Variants in ARID5B observed in about 807,000 individuals in gnomAD.
The protein encoded by ARID5B is AT-rich interactive domain-containing protein 5B.
A neutral mutation model predicts 97.2 loss-of-function variants in ARID5B; 13 were observed. The ratio of observed to expected loss-of-function variants is 0.13; its 90% CI spans 0.09 to 0.21. The LOEUF (loss-of-function observed/expected upper bound fraction) is 0.21. ARID5B is among the 10% of genes least tolerant of loss of function. ARID5B has a pLI of 1.00. For missense variants in ARID5B, 1,210 were observed against 1,465.3 expected, an observed-to-expected ratio of 0.83 and a Z score of 2.84; for synonymous variants, 556 against 570.3, an observed-to-expected ratio of 0.97 and a Z score of 0.36.
chr10:61,998,516 G>A (rs925859753), intron 3 of ARID5B, among the ~76,000 whole-genome samples: 5 of 152,188 alleles, frequency 3.3e-5, no homozygotes, highest in Admixed American at 2.6e-4. Flanking sequence ...CACGGTGTTT[G>A]CCATTTCTCA....
chr10:61,903,008 G>A (rs909165217), intron 2 of ARID5B, among the ~76,000 whole-genome samples: 3 of 152,152 alleles, frequency 2.0e-5, no homozygotes, highest in African/African-American at 7.2e-5. Context: ...AGATCTGCCC[G>A]GGCGGATTTC....
intron 4 of ARID5B, among the ~76,000 whole-genome samples, chr10:62,011,106 G>A (rs1310733669): frequency 6.6e-6 from 1 of 152,192 alleles, no homozygotes; most frequent in Admixed American, 6.5e-5. Flanking sequence ...TGACAGTTGA[G>A]GCCTTCTCTT....
intron 3 of ARID5B, among the ~76,000 whole-genome samples, chr10:61,991,045 C>T (rs935028198): frequency 2.8e-4 from 42 of 150,990 alleles, no homozygotes; most frequent in African/African-American, 1.0e-3. Flanking sequence ...ATCCTGTACA[C>T]ACACACACAC....
intron 4 of ARID5B, among the ~76,000 whole-genome samples, chr10:62,008,922 T>G (rs1453291059): frequency 6.6e-6 from 1 of 152,228 alleles, no homozygotes; most frequent in South Asian, 2.1e-4. Flanking sequence ...TTGGCATTAT[T>G]CTTTAATGAA....
At position 62,022,857 on chromosome 10, in the gene ARID5B, A is replaced by G. The variant is rs142755331; in HGVS notation, c.733+22536A>G. On this transcript the variant is annotated intron_variant, in intron 4 of 9. Coordinates refer to ENST00000279873, the MANE Select transcript of ARID5B (RefSeq NM_032199.3). ...AAAATCTCCTCATTGTGAACGATTCACAGAGCTCTCCTTTAACTGGAGTAC... is the reference window on the plus strand; with the variant it reads ...AAAATCTCCTCATTGTGAACGATTCGCAGAGCTCTCCTTTAACTGGAGTAC... Among the ~76,000 whole-genome samples, 212 of 152,370 alleles carry G rather than the reference A, an allele frequency of 1.4e-3. 2 individuals are homozygous for G. Among genetic ancestry groups the G allele is most frequent in the East Asian group, 6.4e-3 (33 of 5,190 alleles).
intron 4 of ARID5B, among the ~76,000 whole-genome samples, chr10:62,014,950 T>C (rs1264138818): frequency 1.3e-5 from 2 of 152,210 alleles, no homozygotes; most frequent in Non-Finnish European, 2.9e-5. Flanking sequence ...TTTTCTGTTC[T>C]CACATACTTG....
chr10:62,088,658 C>T (rs1180959937), intron 9 of ARID5B, among the ~76,000 whole-genome samples: 2 of 152,188 alleles, frequency 1.3e-5, no homozygotes, highest in Non-Finnish European at 2.9e-5. Flanking sequence ...CCAAGGTTGA[C>T]CTTATAATAC....
intron 2 of ARID5B, among the ~76,000 whole-genome samples, chr10:61,928,332 ACT>A (rs1844143784): frequency 6.6e-6 from 1 of 151,018 alleles, no homozygotes. Flanking sequence ...CAGGGTCTCA[ACT>A]CTGTCACCTA....
intron 3 of ARID5B, among the ~76,000 whole-genome samples, chr10:61,960,766 G>A (rs1838459503): frequency 6.6e-6 from 1 of 152,106 alleles, no homozygotes; most frequent in South Asian, 2.1e-4. Flanking sequence ...TATATCATAG[G>A]TGCTCCGTAG....
At chr10:61,998,255 C>T (rs1367023184) in intron 3 of ARID5B, among the ~76,000 whole-genome samples, 1 of 152,196 alleles carries the variant, frequency 6.6e-6, no homozygotes, top group African/African-American at 2.4e-5. Context: ...CATTATGTTC[C>T]GTCCTTGCTC....
chr10:62,000,438 G>A lies in ARID5B; in HGVS notation c.733+117G>A. The A allele has an allele frequency of 5.4e-6, 5 of 932,494 alleles. No homozygotes were observed. The highest frequency in any genetic ancestry group is 7.9e-6 in the Non-Finnish European group (5 of 632,942). 57.8% of individuals were successfully genotyped at this position (932,494 alleles called of 1,614,324 possible). On this transcript the variant is annotated intron_variant, in intron 4 of 9. Coordinates refer to ENST00000279873, the MANE Select transcript of ARID5B (RefSeq NM_032199.3). The surrounding 1 kb of genome is among the most constrained non-coding windows in gnomAD (Gnocchi z 4.4). ...CTCACTTTCACAAGCCCCATGTGCT[G>A]CCCCACCCCTCCCATCCCCCAAATT...
At chr10:61,928,819 T>A (rs1031437933) in intron 2 of ARID5B, among the ~76,000 whole-genome samples, 1 of 152,220 alleles carries the variant, frequency 6.6e-6, no homozygotes, top group Non-Finnish European at 1.5e-5. Context: ...CAACTACTTA[T>A]CTGTAGTGTG....
intron 4 of ARID5B, chr10:62,049,426 T>G: frequency 6.4e-7 from 1 of 1,550,478 alleles, no homozygotes; most frequent in Non-Finnish European, 8.7e-7. Flanking sequence ...AGCAGTCACA[T>G]GCTGTAGCTT....
chr10:61,983,369 A>G (rs1387772274), intron 3 of ARID5B, among the ~76,000 whole-genome samples: 1 of 152,192 alleles, frequency 6.6e-6, no homozygotes, highest in Non-Finnish European at 1.5e-5. Flanking sequence ...AAATCGGAGG[A>G]GACAAACATG....
chr10:61,992,676 C>G (rs935859335), intron 3 of ARID5B, among the ~76,000 whole-genome samples: 2 of 152,068 alleles, frequency 1.3e-5, no homozygotes, highest in African/African-American at 4.8e-5. Flanking sequence ...TTTAGCAAAA[C>G]AAATGGCAAG....
chr10:61,913,147 T>G (rs925250325), intron 2 of ARID5B, among the ~76,000 whole-genome samples: 2 of 152,148 alleles, frequency 1.3e-5, no homozygotes, highest in African/African-American at 4.8e-5. Flanking sequence ...GGCAGACCAG[T>G]GAAGGTCAGA....
chr10:62,040,216 A>G (rs1162158545), intron 4 of ARID5B, among the ~76,000 whole-genome samples: 1 of 152,204 alleles, frequency 6.6e-6, no homozygotes, highest in Admixed American at 6.5e-5. Context: ...CTTAGTTAAG[A>G]AAGTTAATGA....
rs140716429 is a variant in ARID5B at position 62,091,371 on chromosome 10, C to T, written c.1908C>T (p.Asp636=). The T allele has an allele frequency of 1.7e-3, 2,781 of 1,614,124 alleles. 4 individuals carry two copies. Among genetic ancestry groups the T allele is most frequent in the Non-Finnish European group, 2.2e-3 (2,598 of 1,180,012 alleles). ...TGAAGGTGGACCAGCTGGGCAGTGA[C>T]GACATCCACAATGCGCTCAAGCAGA... ...CTVKVDQLGS[D]DIHNALKQTP... The change falls in exon 10 of 10, where the codon GAC becomes GAT. Residue 636 remains aspartate, a synonymous_variant. Coordinates refer to ENST00000279873, the MANE Select transcript of ARID5B (RefSeq NM_032199.3).
intron 2 of ARID5B, among the ~76,000 whole-genome samples, chr10:61,930,864 C>A (rs1412900291): frequency 6.6e-6 from 1 of 152,000 alleles, no homozygotes; most frequent in African/African-American, 2.4e-5. Context: ...ATTAAAGAAC[C>A]ACCACAAACG....
Sources: gnomAD v4.1 joint callset for allele counts (sites outside exome capture counted in the v4.1 genomes callset) on GRCh38, gnomAD v4.1.1 for gene constraint, Gnocchi (gnomAD v3.1) non-coding constraint, MANE v1.5 for transcripts, NCBI Gene and HGNC (gene_info 2026-07-23, HGNC 2026-07-21) for gene names.